Variants in LDLRAD3 observed in about 807,000 individuals in gnomAD.
LDLRAD3 encodes the protein low density lipoprotein receptor class A domain containing 3, also known as low-density lipoprotein receptor class A domain-containing protein 3.
A neutral mutation model predicts 29.4 loss-of-function variants in LDLRAD3; 20 were observed. That is an observed-to-expected ratio of 0.68 (90% CI 0.48 to 0.99). The LOEUF is 0.99. Among genes scored for constraint, LDLRAD3 ranks in the 50% least tolerant of loss-of-function variants. LDLRAD3 has a pLI of 0.00. For missense variants in LDLRAD3, 420 were observed against 454.3 expected (o/e 0.92, Z 0.69); for synonymous variants, 157 against 192.7 (o/e 0.81, Z 1.53).
intron 4 of LDLRAD3, among the ~76,000 whole-genome samples, chr11:36,146,375 G>A (rs1854194299): frequency 6.6e-6 from 1 of 152,132 alleles, no homozygotes; most frequent in Non-Finnish European, 1.5e-5. Flanking sequence ...CTCTTTATAG[G>A]AGTAATATAC....
Position 36,188,925 on chromosome 11 carries a change from A to G in LDLRAD3, c.455-38160A>G, listed in dbSNP as rs150782586. On this transcript the variant is annotated intron_variant, in intron 4 of 5. Coordinates refer to ENST00000315571, the MANE Select transcript of LDLRAD3 (RefSeq NM_174902.4). The stretch of plus-strand genomic sequence containing the variant: ...CAGTTTAAGAGATTGGATGTCAATG[A>G]AGTGGCGCAACTGAATCATCTAATG... Among the ~76,000 whole-genome samples, 19 of 152,144 alleles carry G rather than the reference A, an allele frequency of 1.2e-4. No homozygotes were observed. In the East Asian group the frequency reaches 2.3e-3, roughly 19 times the overall value.
intron 1 of LDLRAD3, among the ~76,000 whole-genome samples, chr11:35,990,122 A>G (rs919435896): frequency 6.6e-6 from 1 of 152,130 alleles, no homozygotes; most frequent in African/African-American, 2.4e-5. Context: ...CTATAAAGGC[A>G]TGGGGGGTGG....
At position 35,989,286 on chromosome 11, in the gene LDLRAD3, A is replaced by T. The variant is rs145380599; in HGVS notation, c.46+45142A>T. On this transcript the variant is annotated intron_variant, in intron 1 of 5. Transcript: ENST00000315571. Reference sequence around the variant, plus strand: ...TTTGGTTCGTGTAGCCCTATAGTATAGTTTGAAGTCCAGTAATGTGATGCC... The same window carrying T: ...TTTGGTTCGTGTAGCCCTATAGTATTGTTTGAAGTCCAGTAATGTGATGCC... Among the ~76,000 whole-genome samples, 9 of 152,224 alleles carry T rather than the reference A, an allele frequency of 5.9e-5. No individual in the cohort carries two copies. The East Asian group carries it at 1.7e-3, about 29-fold the overall frequency.
chr11:36,168,498 C>CTTTTTT (rs5791083), intron 4 of LDLRAD3, among the ~76,000 whole-genome samples: 7 of 115,796 alleles, frequency 6.0e-5, no homozygotes, highest in South Asian at 2.9e-4. Flanking sequence ...TTTCTTTCTT[C>CTTTTTT]TTTTTTTTTT....
chr11:36,170,863 G>C (rs1228921366), intron 4 of LDLRAD3, among the ~76,000 whole-genome samples: 1 of 151,010 alleles, frequency 6.6e-6, no homozygotes. Flanking sequence ...GTGCAGGGGC[G>C]CGATCTTGGC....
At chr11:36,160,386 T>G (rs1311569037) in intron 4 of LDLRAD3, among the ~76,000 whole-genome samples, 1 of 152,148 alleles carries the variant, frequency 6.6e-6, no homozygotes, top group Non-Finnish European at 1.5e-5. Context: ...AATGGCAGCT[T>G]AGCGACCCCT....
chr11:36,077,007 C>A (rs975862337), intron 2 of LDLRAD3, among the ~76,000 whole-genome samples: 2 of 151,958 alleles, frequency 1.3e-5, no homozygotes, highest in African/African-American at 4.8e-5. Flanking sequence ...TTGAGTTTTC[C>A]CCACATGTGA....
chr11:36,082,903 G>T (rs12786987), intron 3 of LDLRAD3, among the ~76,000 whole-genome samples: 11,111 of 152,240 alleles, frequency 0.073, 597 homozygotes, highest in South Asian at 0.21. Flanking sequence ...TCTGGTCACT[G>T]TTTCTTCTTC....
At chr11:35,993,641 C>A (rs1033618023) in intron 1 of LDLRAD3, among the ~76,000 whole-genome samples, 2 of 148,008 alleles carry the variant, frequency 1.4e-5, no homozygotes, top group African/African-American at 5.1e-5. Flanking sequence ...GCCCTGACTG[C>A]GCAGTCCTGG....
rs1413793980 is a variant in LDLRAD3 at position 36,229,594 on chromosome 11, G to GT, written c.*199dup. 7 of 544,830 alleles carry GT rather than the reference G, an allele frequency of 1.3e-5. No individual in the cohort carries two copies. The African/African-American group carries it at 1.3e-4, about 10-fold the overall frequency. 33.7% of individuals were successfully genotyped at this position (544,830 alleles called of 1,614,324 possible). A position where few individuals can be genotyped will look rare whatever the true frequency, so the allele number is the denominator to read the frequency against. ...TCTGGCGTCTCAGTTGACATGATCT[G>GT]TTGTGCGTCTTTTCTGTCAGGTCAC... is the stretch of plus-strand genomic sequence containing the variant. On this transcript the variant is annotated 3_prime_UTR_variant, in exon 6 of 6. Transcript: ENST00000315571.
chr11:36,100,688 C>T (rs1295128164), intron 4 of LDLRAD3, among the ~76,000 whole-genome samples: 1 of 152,196 alleles, frequency 6.6e-6, no homozygotes, highest in African/African-American at 2.4e-5. Flanking sequence ...CTGCCTGCCT[C>T]AGCCTCCCCA....
intron 2 of LDLRAD3, among the ~76,000 whole-genome samples, chr11:36,068,893 A>G (rs1043377620): frequency 2.6e-5 from 4 of 152,220 alleles, no homozygotes; most frequent in Admixed American, 6.5e-5. Flanking sequence ...TTCTCAGCAT[A>G]AAAGAGAAGA....
chr11:35,976,105 A>G (rs998005891), intron 1 of LDLRAD3, among the ~76,000 whole-genome samples: 4 of 151,940 alleles, frequency 2.6e-5, no homozygotes, highest in African/African-American at 9.7e-5. Flanking sequence ...AAGGAAGGAT[A>G]GGGCCTAGTT....
At chr11:36,070,841 G>C (rs1420615746) in intron 2 of LDLRAD3, among the ~76,000 whole-genome samples, 1 of 152,142 alleles carries the variant, frequency 6.6e-6, no homozygotes, top group African/African-American at 2.4e-5. Flanking sequence ...CTGGCAAGTA[G>C]GACAGTCCTA....
chr11:36,170,768 A>G (rs752820075), intron 4 of LDLRAD3, among the ~76,000 whole-genome samples: 7 of 150,972 alleles, frequency 4.6e-5, no homozygotes, highest in Admixed American at 6.6e-5. Context: ...GATGTTGAGC[A>G]ATTTGTCATA....
intron 1 of LDLRAD3, among the ~76,000 whole-genome samples, chr11:35,956,136 A>G (rs1851198013): frequency 6.6e-6 from 1 of 152,216 alleles, no homozygotes; most frequent in Non-Finnish European, 1.5e-5. Context: ...TGTAAAGGTT[A>G]CTGAGGAGAA....
At chr11:36,066,586 A>G (rs2133239635) in intron 2 of LDLRAD3, among the ~76,000 whole-genome samples, 1 of 152,346 alleles carries the variant, frequency 6.6e-6, no homozygotes, top group East Asian at 1.9e-4. Context: ...AATAACCTTT[A>G]AAAACCCCTT....
At chr11:35,967,020 T>C in intron 1 of LDLRAD3, 1 of 189,508 alleles carries the variant, frequency 5.3e-6, no homozygotes, top group East Asian at 1.4e-4. Context: ...GTTCAGAGGC[T>C]CATGCTGTCC....
At chr11:36,180,730 ACT>A (rs1273838680) in intron 4 of LDLRAD3, among the ~76,000 whole-genome samples, 1 of 148,202 alleles carries the variant, frequency 6.7e-6, no homozygotes, top group African/African-American at 2.5e-5. Context: ...CAGATGGGAG[ACT>A]CTGGCTGTAA....
Sources: gnomAD v4.1 joint callset for allele counts (sites outside exome capture counted in the v4.1 genomes callset) on GRCh38, gnomAD v4.1.1 for gene constraint, MANE v1.5 for transcripts, NCBI Gene and HGNC (gene_info 2026-07-23, HGNC 2026-07-21) for gene names.